FGFR2: variants seen among roughly 807,000 people sequenced by gnomAD.
FGFR2 encodes fibroblast growth factor receptor 2, also known as BEK fibroblast growth factor receptor.
A neutral mutation model predicts 95.9 loss-of-function variants in FGFR2; 19 were observed. The ratio of observed to expected loss-of-function variants is 0.20; its 90% CI spans 0.14 to 0.29. The LOEUF is 0.29. Among genes scored for constraint, FGFR2 ranks in the 10% least tolerant of loss-of-function variants. The probability of loss-of-function intolerance (pLI) is 1.00; values close to 1 mark genes in which losing one functional copy is unlikely to be tolerated. For synonymous variants in FGFR2, 392 were observed against 393.3 expected (o/e 1.00, Z 0.04); for missense variants, 707 against 1,056.9 (o/e 0.67, Z 4.59).
chr10:121,588,625 T>G (rs911677840), intron 2 of FGFR2, among the ~76,000 whole-genome samples: 4 of 151,774 alleles, frequency 2.6e-5, no homozygotes, highest in African/African-American at 4.8e-5. Context: ...TGGAAAAAAA[T>G]GCAAAACTTA....
In FGFR2 at chr10:121,518,577, A is replaced by G; in HGVS notation, c.940-1114T>C. On this transcript the variant is annotated intron_variant, in intron 7 of 17. Coordinates refer to ENST00000358487, the MANE Select transcript of FGFR2 (RefSeq NM_000141.5). This position sits in a 1 kb window ranked among gnomAD's most constrained non-coding sequence, Gnocchi z 4.0. ...TTATTATAAATATACCAAGGCCACA[A>G]GAGTTATCCTATAAGCTGCCTGCAG... The G allele has an allele frequency of 1.6e-6, 2 of 1,275,652 alleles. No individual in the cohort carries two copies. Among genetic ancestry groups the G allele is most frequent in the East Asian group, 2.4e-5 (1 of 41,606 alleles). 79.0% of individuals were successfully genotyped at this position (1,275,652 alleles called of 1,614,324 possible). A position where few individuals can be genotyped will look rare whatever the true frequency, so the allele number is the denominator to read the frequency against.
chr10:121,488,869 T>C (rs1050831431), intron 13 of FGFR2, among the ~76,000 whole-genome samples: 1 of 152,172 alleles, frequency 6.6e-6, no homozygotes, highest in Non-Finnish European at 1.5e-5. Flanking sequence ...AATCCAACAT[T>C]GTGTCTTCTT....
At chr10:121,527,700 A>T (rs561886925) in intron 6 of FGFR2, 1 of 152,284 alleles carries the variant, frequency 6.6e-6, no homozygotes, top group East Asian at 1.9e-4. Flanking sequence ...AGGTATATTG[A>T]CCTTGTCCAG....
intron 14 of FGFR2, 116 bp downstream of exon 14, chr10:121,487,875 C>A: frequency 7.8e-7 from 1 of 1,290,046 alleles, no homozygotes; most frequent in Non-Finnish European, 1.1e-6. Flanking sequence ...GGAATCGGGG[C>A]AGGGGAATGG....
In FGFR2 at chr10:121,487,389, G is replaced by A. The variant is rs1373572479; in HGVS notation, c.2022C>T (p.Ala674=). 4.3e-6 allele frequency: 7 copies of A among 1,614,140 alleles called. No homozygotes were observed. Among genetic ancestry groups the A allele is most frequent in the Non-Finnish European group, 5.9e-6 (7 of 1,180,008 alleles). The part of the protein sequence containing the change: ...RLPVKWMAPE[A]LFDRVYTHQS... ...GATGAGTGTATACTCTATCAAACAG[G>A]GCTTCTGGAGCCATCCACTTGACTG... Residue 674 remains alanine (A), a synonymous_variant, in exon 15 of 18, where the codon GCC becomes GCT. Coordinates refer to ENST00000358487, the MANE Select transcript of FGFR2 (RefSeq NM_000141.5).
intron 2 of FGFR2, among the ~76,000 whole-genome samples, chr10:121,577,187 A>AGAGAGAGAGAGAGAGAGAGAGG (rs1356148129): frequency 4.7e-4 from 56 of 118,088 alleles, no homozygotes; most frequent in African/African-American, 1.7e-3. Flanking sequence ...ATAGAGAGAG[A>AGAGAGAGAGAGAGAGAGAGAGG]GAGAGAGAGA....
intron 6 of FGFR2, among the ~76,000 whole-genome samples, chr10:121,524,594 C>T (rs1347220084): frequency 6.6e-6 from 1 of 152,160 alleles, no homozygotes; most frequent in Non-Finnish European, 1.5e-5. Context: ...AACCCTTCAG[C>T]GATCCACCAC....
At chr10:121,538,158 C>T in intron 6 of FGFR2, 1 of 591,164 alleles carries the variant, frequency 1.7e-6, no homozygotes, top group South Asian at 2.1e-5. Context: ...TCCAGCCAGC[C>T]ACAGGCTCAG....
At chr10:121,504,521 C>A (rs1848026775) in intron 9 of FGFR2, among the ~76,000 whole-genome samples, 1 of 152,084 alleles carries the variant, frequency 6.6e-6, no homozygotes, top group Non-Finnish European at 1.5e-5. Flanking sequence ...AACCCCAGAC[C>A]CCAGCATTGG....
At chr10:121,597,370 AC>A (rs1475131489) in intron 1 of FGFR2, among the ~76,000 whole-genome samples, 2 of 152,214 alleles carry the variant, frequency 1.3e-5, no homozygotes, top group African/African-American at 4.8e-5. Context: ...CCCCAGGCGC[AC>A]TGCGCTCCCT....
Position 121,488,122 on chromosome 10 carries a change from A to C in FGFR2, c.1864-9T>G, listed in dbSNP as rs927667261. On this transcript the variant is annotated splice_polypyrimidine_tract_variant and intron_variant, in intron 13 of 17. Coordinates refer to ENST00000358487, the MANE Select transcript of FGFR2 (RefSeq NM_000141.5). ...AAATCTCGATGAATACACTGAAATC[A>C]AGAAAGAAGCAAGAGAAATAACTAA... The C allele has an allele frequency of 1.2e-6, 2 of 1,613,874 alleles. No homozygotes were observed. Among genetic ancestry groups the C allele is most frequent in the Non-Finnish European group, 1.7e-6 (2 of 1,179,994 alleles).
rs116941692 is a variant in FGFR2, at chr10:121,510,702, C to T, written c.1287+4415G>A. 9.8e-3 allele frequency among the ~76,000 whole-genome samples: 1,491 copies of T among 152,204 alleles called. 21 individuals are homozygous for T. The highest frequency in any genetic ancestry group is 0.021 in the Admixed American group (318 of 15,282). ...TCCGCTCCTCCCCCTTCATCTTGGT[C>T]CTATTCCTAACGTCCCCAGGAATAT... On this transcript the variant is annotated intron_variant, in intron 9 of 17. Transcript: ENST00000358487.
chr10:121,557,470 G>A (rs1856317363), intron 4 of FGFR2, among the ~76,000 whole-genome samples: 1 of 151,970 alleles, frequency 6.6e-6, no homozygotes, highest in South Asian at 2.1e-4. Flanking sequence ...TACCACACCT[G>A]GCTAATCTTT....
intron 5 of FGFR2, among the ~76,000 whole-genome samples, chr10:121,546,582 T>C (rs1045268222): frequency 6.6e-6 from 1 of 152,234 alleles, no homozygotes; most frequent in Non-Finnish European, 1.5e-5. Flanking sequence ...AATAGTTCTA[T>C]TGGTCATTTG....
rs2133791148 is a variant in FGFR2 at position 121,485,334 on chromosome 10, A to T, written c.2195+61T>A. On this transcript the variant is annotated intron_variant, in intron 16 of 17. Transcript: ENST00000358487. This position sits in a 1 kb window ranked among gnomAD's most constrained non-coding sequence, Gnocchi z 4.2. ...GCCTTCAAAAACGAGATACATCAGG[A>T]GAGGTATTACTGGTGTGGCAAGTCC... 1.2e-6 allele frequency: 2 copies of T among 1,607,266 alleles called. No individual in the cohort carries two copies. The highest frequency in any genetic ancestry group is 1.7e-6 in the Non-Finnish European group (2 of 1,174,222).
chr10:121,501,546 G>C (rs1589771418), intron 10 of FGFR2, among the ~76,000 whole-genome samples: 1 of 152,096 alleles, frequency 6.6e-6, no homozygotes, highest in East Asian at 1.9e-4. Flanking sequence ...AATCCAAAGT[G>C]AACACCACAA....
intron 16 of FGFR2, 36 bp from the exon 17 acceptor site, chr10:121,483,839 T>C (rs770725018): frequency 1.3e-6 from 2 of 1,492,028 alleles, no homozygotes; most frequent in African/African-American, 1.4e-5. Context: ...TAATTTCATA[T>C]GCACTGGGTA....
chr10:121,556,516 C>T (rs749171024), intron 4 of FGFR2, among the ~76,000 whole-genome samples: 31 of 151,746 alleles, frequency 2.0e-4, no homozygotes, highest in Non-Finnish European at 3.5e-4. Context: ...CAAAAGAGAC[C>T]TCGGTGACCA....
intron 5 of FGFR2, among the ~76,000 whole-genome samples, chr10:121,542,435 A>G (rs961217472): frequency 1.3e-5 from 2 of 152,234 alleles, no homozygotes; most frequent in Non-Finnish European, 2.9e-5. Context: ...ATTCAATAGT[A>G]GCTACCCCCT....
Sources: allele counts gnomAD v4.1 joint callset (sites outside exome capture counted in the v4.1 genomes callset), GRCh38; gene constraint gnomAD v4.1.1; non-coding constraint Gnocchi (gnomAD v3.1); transcripts MANE v1.5; gene names NCBI Gene and HGNC (gene_info 2026-07-23, HGNC 2026-07-21).